ISM1: variants seen among roughly 807,000 people sequenced by gnomAD.
ISM1 encodes the protein isthmin 1, also known as isthmin-1.
ISM1 carries 25 observed loss-of-function variants against 46.3 expected under a neutral mutation model. The observed-to-expected ratio is 0.54, with a 90% confidence interval of 0.39 to 0.75. ISM1 has a LOEUF of 0.75. ISM1 is among the 30% of genes least tolerant of loss of function. ISM1 has a pLI of 0.00. For missense variants in ISM1, 536 were observed against 625.4 expected, an observed-to-expected ratio of 0.86 and a Z score of 1.52; for synonymous variants, 255 against 256.7, an observed-to-expected ratio of 0.99 and a Z score of 0.06.
intron 2 of ISM1, among the ~76,000 whole-genome samples, chr20:13,278,712 G>T (rs2040206826): frequency 1.3e-5 from 2 of 152,176 alleles, no homozygotes; most frequent in African/African-American, 4.8e-5. Context: ...GATTGCTGTG[G>T]GTCAGGAATT....
chr20:13,227,959 C>CT (rs747478331), intron 1 of ISM1, among the ~76,000 whole-genome samples: 19,523 of 128,950 alleles, frequency 0.15, 1,970 homozygotes, highest in East Asian at 0.49. Context: ...CTGCTGCTGC[C>CT]TTTTTTTTTT....
At position 13,230,649 on chromosome 20, in the gene ISM1, A is replaced by C. The variant is rs530834947; in HGVS notation, c.138+8735A>C. Among the ~76,000 whole-genome samples the C allele has an allele frequency of 6.0e-3, 906 of 152,122 alleles. 10 individuals are homozygous for C. Among genetic ancestry groups the C allele is most frequent in the African/African-American group, 0.02 (846 of 41,464 alleles). On this transcript the variant is annotated intron_variant, in intron 1 of 5. Coordinates refer to ENST00000262487, the MANE Select transcript of ISM1 (RefSeq NM_080826.2). ...GTCCCTCTGTCTCTACTCATCCCCC[A>C]AAGACAGGAGATAATTTAGAGATGG... is the stretch of plus-strand genomic sequence containing the variant.
chr20:13,223,163 AAAATAAAAT>A (rs2039471935), intron 1 of ISM1, among the ~76,000 whole-genome samples: 1 of 136,348 alleles, frequency 7.3e-6, no homozygotes, highest in Non-Finnish European at 1.6e-5. Flanking sequence ...TCTCAAAAAA[AAAATAAAAT>A]AAAATAAAAT....
At chr20:13,289,379 C>T (rs149802477) in intron 4 of ISM1, among the ~76,000 whole-genome samples, 1 of 152,260 alleles carries the variant, frequency 6.6e-6, no homozygotes, top group African/African-American at 2.4e-5. Flanking sequence ...AGAGAGTTGC[C>T]AAAGGCTCCC....
chr20:13,287,114 T>C (rs561114794), intron 3 of ISM1, among the ~76,000 whole-genome samples: 2 of 152,312 alleles, frequency 1.3e-5, no homozygotes, highest in African/African-American at 2.4e-5. Context: ...CTCAGTTTGA[T>C]AGGTGTATTA....
At chr20:13,255,826 G>A (rs115608090) in intron 1 of ISM1, among the ~76,000 whole-genome samples, 3,000 of 152,150 alleles carry the variant, frequency 0.02, 77 homozygotes, top group African/African-American at 0.056. Flanking sequence ...CAAGGGGTCC[G>A]CTGTGCCCCT....
chr20:13,229,269 A>G (rs2039562935), intron 1 of ISM1, among the ~76,000 whole-genome samples: 2 of 152,142 alleles, frequency 1.3e-5, no homozygotes, highest in South Asian at 4.1e-4. Context: ...GTTACCACCA[A>G]AATTAGGATA....
chr20:13,245,833 C>A (rs1005030677), intron 1 of ISM1, among the ~76,000 whole-genome samples: 2 of 152,228 alleles, frequency 1.3e-5, no homozygotes, highest in Admixed American at 1.3e-4. Context: ...AACTCCATAT[C>A]TGGAACTGAC....
chr20:13,294,744 C>A (rs749879632), intron 5 of ISM1, among the ~76,000 whole-genome samples: 2 of 152,176 alleles, frequency 1.3e-5, no homozygotes, highest in Admixed American at 6.5e-5. Flanking sequence ...ACAGCCTATC[C>A]CAGCTGGCAG....
chr20:13,269,523 A>C (rs1184443405), intron 1 of ISM1, among the ~76,000 whole-genome samples: 2 of 152,142 alleles, frequency 1.3e-5, no homozygotes, highest in African/African-American at 4.8e-5. Context: ...TCTCTACAAC[A>C]GCTTCGCTGG....
the ISM1 span, among the ~76,000 whole-genome samples, chr20:13,319,753 C>G: frequency 2.6e-5 from 4 of 152,220 alleles, no homozygotes; most frequent in African/African-American, 9.6e-5. Flanking sequence ...CACACACACA[C>G]TCTAGAGGGT....
At chr20:13,306,564 C>CAAAAAAAA in the ISM1 span, among the ~76,000 whole-genome samples, 217 of 63,884 alleles carry the variant, frequency 3.4e-3, 3 homozygotes, top group African/African-American at 8.5e-3. Flanking sequence ...GGAGAAAGGA[C>CAAAAAAAA]AAAAAAAAAA....
intron 1 of ISM1, among the ~76,000 whole-genome samples, chr20:13,256,024 C>G (rs1265263882): frequency 6.6e-6 from 1 of 151,950 alleles, no homozygotes; most frequent in Non-Finnish European, 1.5e-5. Context: ...GATACCCAAG[C>G]AGCCAGTAGG....
At chr20:13,230,083 A>T (rs1342498601) in intron 1 of ISM1, among the ~76,000 whole-genome samples, 1 of 152,170 alleles carries the variant, frequency 6.6e-6, no homozygotes, top group Non-Finnish European at 1.5e-5. Context: ...AAAAGGCATT[A>T]ATCTTTGAGG....
chr20:13,325,914 A>T, the ISM1 span, among the ~76,000 whole-genome samples: 1 of 152,202 alleles, frequency 6.6e-6, no homozygotes, highest in African/African-American at 2.4e-5. Flanking sequence ...CACGTCGACC[A>T]TCAAAAAAGT....
At chr20:13,230,166 A>T (rs1568661803) in intron 1 of ISM1, among the ~76,000 whole-genome samples, 2 of 152,218 alleles carry the variant, frequency 1.3e-5, no homozygotes, top group Admixed American at 6.5e-5. Context: ...CTCCAAAGCA[A>T]ATAATCTCAA....
chr20:13,320,980 G>C, the ISM1 span, among the ~76,000 whole-genome samples: 1 of 151,984 alleles, frequency 6.6e-6, no homozygotes, highest in African/African-American at 2.4e-5. Flanking sequence ...TGGTGGATCA[G>C]TTGGGGTCAG....
chr20:13,280,395 C>A lies in ISM1; in HGVS notation c.643+497C>A, dbSNP rs1054818049. On this transcript the variant is annotated intron_variant, in intron 3 of 5. Transcript: ENST00000262487. Reference sequence around the variant, plus strand: ...GTGTCTCAGGTCTTCAAAGTAACCCCCCCCCCCCAATACATTTCAAAACTC... The same window carrying A: ...GTGTCTCAGGTCTTCAAAGTAACCCACCCCCCCCAATACATTTCAAAACTC... Among the ~76,000 whole-genome samples, 13 of 141,694 alleles carry A rather than the reference C, an allele frequency of 9.2e-5. No homozygotes were observed. The South Asian group carries it at 9.5e-4, about 10-fold the overall frequency. 93.0% of individuals were successfully genotyped at this position (141,694 alleles called of 152,430 possible).
At chr20:13,262,616 T>C (rs1288479623) in intron 1 of ISM1, among the ~76,000 whole-genome samples, 1 of 152,224 alleles carries the variant, frequency 6.6e-6, no homozygotes, top group Non-Finnish European at 1.5e-5. Flanking sequence ...GCTACCACTC[T>C]GTTTTCTTTG....
Sources: gnomAD v4.1 joint callset for allele counts (sites outside exome capture counted in the v4.1 genomes callset) on GRCh38, gnomAD v4.1.1 for gene constraint, MANE v1.5 for transcripts, NCBI Gene and HGNC (gene_info 2026-07-23, HGNC 2026-07-21) for gene names.